Variants in SH3KBP1 observed in about 807,000 individuals in gnomAD.
The protein encoded by SH3KBP1 is SH3 domain-containing kinase-binding protein 1.
A neutral mutation model predicts 50.1 loss-of-function variants in SH3KBP1; 8 were observed. The ratio of observed to expected loss-of-function variants is 0.16; its 90% confidence interval spans 0.09 to 0.29. The LOEUF (loss-of-function observed/expected upper bound fraction) is 0.29. SH3KBP1 is among the 10% of genes least tolerant of loss of function. The pLI is 1.00. For missense variants in SH3KBP1, 377 were observed against 535.2 expected (o/e 0.70, Z 2.92); for synonymous variants, 227 against 218.6 (o/e 1.04, Z -0.34).
chrX:19,592,625 C>A (rs184523644), intron 10 of SH3KBP1, among the ~76,000 whole-genome samples: 1 of 112,148 alleles, frequency 8.9e-6, no homozygotes, highest in East Asian at 2.8e-4. Context: ...GAGGTGAGGT[C>A]TACATCCCCT....
In SH3KBP1 at chrX:19,757,145, CTTTTTTT is replaced by C. The variant is rs34733630; in HGVS notation, c.163-10711_163-10705del. On this transcript the variant is annotated intron_variant, in intron 2 of 17. Coordinates refer to ENST00000397821, the MANE Select transcript of SH3KBP1 (RefSeq NM_031892.3). ...TTCCTGATCGTTAAATTATTGACTG[CTTTTTTT>C]TTTTTTTTTTTTTGCAAACAAGTGT... Among the ~76,000 whole-genome samples the C allele has an allele frequency of 4.0e-5, 3 of 74,698 alleles. No homozygotes were observed. The East Asian group carries it at 1.2e-3, about 29-fold the overall frequency. 64.9% of individuals were successfully genotyped at this position (74,698 alleles called of 115,157 possible). A position where few individuals can be genotyped will look rare whatever the true frequency, so the allele number is the denominator to read the frequency against.
chrX:19,552,671 GCTT>G (rs1458709903), intron 13 of SH3KBP1, among the ~76,000 whole-genome samples: 2 of 110,346 alleles, frequency 1.8e-5, no homozygotes, highest in African/African-American at 6.6e-5. Flanking sequence ...AATTAACACT[GCTT>G]CTCCAACTCA....
chrX:19,575,491 A>C (rs1010589260), intron 12 of SH3KBP1, among the ~76,000 whole-genome samples: 78 of 111,461 alleles, frequency 7.0e-4, no homozygotes, highest in African/African-American at 2.3e-3. Context: ...ATTCTAAAGC[A>C]CCAGCCACAT....
chrX:19,732,489 C>T (rs1207860122), intron 3 of SH3KBP1, among the ~76,000 whole-genome samples: 1 of 109,212 alleles, frequency 9.2e-6, no homozygotes, highest in Non-Finnish European at 1.9e-5. Flanking sequence ...TATCTATCTG[C>T]ATTTGGCTGA....
intron 8 of SH3KBP1, among the ~76,000 whole-genome samples, chrX:19,608,360 G>A (rs1309688045): frequency 2.0e-5 from 2 of 100,596 alleles, no homozygotes; most frequent in South Asian, 4.7e-4. Context: ...CCAGGCTGGA[G>A]TGCAGTGGTG....
chrX:19,655,430 CA>C (rs1389769719), intron 6 of SH3KBP1, among the ~76,000 whole-genome samples: 1 of 111,612 alleles, frequency 9.0e-6, no homozygotes, highest in East Asian at 2.8e-4. Flanking sequence ...TGCTTATCAA[CA>C]GTGGATTGGA....
intron 8 of SH3KBP1, among the ~76,000 whole-genome samples, chrX:19,624,765 T>C (rs935492758): frequency 2.7e-5 from 3 of 112,343 alleles, no homozygotes; most frequent in African/African-American, 9.7e-5. Flanking sequence ...TTGTCTAGAA[T>C]AAGGACATAA....
chrX:19,720,919 C>T (rs1369605236), intron 3 of SH3KBP1, among the ~76,000 whole-genome samples: 1 of 111,127 alleles, frequency 9.0e-6, no homozygotes, highest in East Asian at 2.8e-4. Context: ...ATAAACAAAT[C>T]TAGGGTTTCC....
chrX:19,838,096 AAC>A (rs201869562), intron 1 of SH3KBP1, among the ~76,000 whole-genome samples: 3,080 of 108,746 alleles, frequency 0.028, 114 homozygotes, highest in African/African-American at 0.1. Flanking sequence ...CAACAACAAC[AAC>A]AAACCAACTT....
chrX:19,672,211 A>T (rs1292619527), intron 6 of SH3KBP1, among the ~76,000 whole-genome samples: 2 of 112,130 alleles, frequency 1.8e-5, no homozygotes, highest in Non-Finnish European at 3.8e-5. Context: ...AGATAAAAAA[A>T]ATTCCCTTAT....
chrX:19,718,443 A>G (rs1480064564), intron 3 of SH3KBP1, among the ~76,000 whole-genome samples: 1 of 111,748 alleles, frequency 8.9e-6, no homozygotes, highest in Non-Finnish European at 1.9e-5. Context: ...GGAAGGCTAT[A>G]CCCCAAAGTA....
intron 2 of SH3KBP1, among the ~76,000 whole-genome samples, chrX:19,763,749 C>T (rs1045860972): frequency 4.5e-5 from 5 of 111,438 alleles, no homozygotes; most frequent in South Asian, 3.7e-4. Context: ...AGGCCGGGCA[C>T]GGTGGCTCAT....
chrX:19,795,634 C>T (rs777841683), intron 2 of SH3KBP1, among the ~76,000 whole-genome samples: 1 of 111,510 alleles, frequency 9.0e-6, no homozygotes, highest in Non-Finnish European at 1.9e-5. Context: ...AAATACCAGC[C>T]AGACCCCATC....
intron 7 of SH3KBP1, among the ~76,000 whole-genome samples, chrX:19,639,764 G>A (rs1306186181): frequency 9.1e-6 from 1 of 110,440 alleles, no homozygotes; most frequent in African/African-American, 3.3e-5. Context: ...CAGCAAATTG[G>A]ATGTGCCCAA....
At chrX:19,721,018 G>C (rs2064045814) in intron 3 of SH3KBP1, among the ~76,000 whole-genome samples, 1 of 111,078 alleles carries the variant, frequency 9.0e-6, no homozygotes, top group Non-Finnish European at 1.9e-5. Flanking sequence ...CTCTTTTGGG[G>C]GTAGGGGGAG....
intron 16 of SH3KBP1, among the ~76,000 whole-genome samples, chrX:19,539,407 A>G (rs2064816579): frequency 8.9e-6 from 1 of 111,795 alleles, no homozygotes. Context: ...GTTGTGATTC[A>G]TTACTGTATT....
chrX:19,570,496 G>T (rs1157940010), intron 12 of SH3KBP1, among the ~76,000 whole-genome samples: 2 of 111,695 alleles, frequency 1.8e-5, no homozygotes, highest in Non-Finnish European at 3.8e-5. Context: ...ACACCTGACT[G>T]CTGGGCCGGA....
intron 7 of SH3KBP1, among the ~76,000 whole-genome samples, chrX:19,637,346 T>C (rs1386076624): frequency 2.7e-5 from 3 of 112,414 alleles, no homozygotes; most frequent in East Asian, 2.8e-4. Flanking sequence ...TGGACTTCTA[T>C]CATGTTCTAG....
chrX:19,651,219 T>C (rs1205932514), intron 6 of SH3KBP1, among the ~76,000 whole-genome samples: 2 of 110,704 alleles, frequency 1.8e-5, no homozygotes, highest in African/African-American at 6.6e-5. Flanking sequence ...ATGGGGTGCC[T>C]TGTGTGCTTC....
Sources: gnomAD v4.1 joint callset for allele counts (sites outside exome capture counted in the v4.1 genomes callset) on GRCh38, gnomAD v4.1.1 for gene constraint, MANE v1.5 for transcripts, NCBI Gene and HGNC (gene_info 2026-07-23, HGNC 2026-07-21) for gene names.